XYLT1: variants seen among roughly 807,000 people sequenced by gnomAD.
The protein encoded by XYLT1 is beta-D-xylosyltransferase 1.
In XYLT1, 36 loss-of-function variants were observed where a neutral mutation model predicts 91.3. The ratio of observed to expected loss-of-function variants is 0.39; its 90% CI spans 0.30 to 0.52. The LOEUF is 0.52. Among genes scored for constraint, XYLT1 ranks in the 20% least tolerant of loss-of-function variants. The probability of loss-of-function intolerance (pLI) is 0.68; values close to 1 mark genes in which losing one functional copy is unlikely to be tolerated. For synonymous variants in XYLT1, 588 were observed against 532.0 expected, an observed-to-expected ratio of 1.11 and a Z score of -1.45; for missense variants, 1,242 against 1,284.5, an observed-to-expected ratio of 0.97 and a Z score of 0.51.
intron 2 of XYLT1, among the ~76,000 whole-genome samples, chr16:17,261,041 C>G (rs2033714339): frequency 6.6e-6 from 1 of 152,090 alleles, no homozygotes; most frequent in African/African-American, 2.4e-5. Flanking sequence ...TGAGACCAGC[C>G]TGGTCAACAT....
At chr16:17,409,661 T>C (rs114933231) in intron 1 of XYLT1, among the ~76,000 whole-genome samples, 10,243 of 151,326 alleles carry the variant, frequency 0.068, 537 homozygotes, top group African/African-American at 0.14. Flanking sequence ...GTGGTTCTCC[T>C]GCTTCAACCT....
chr16:17,173,565 A>C (rs2031874346), intron 5 of XYLT1, among the ~76,000 whole-genome samples: 1 of 152,264 alleles, frequency 6.6e-6, no homozygotes, highest in Non-Finnish European at 1.5e-5. Flanking sequence ...TGTCTGGCAT[A>C]TTATAGTTGC....
intron 2 of XYLT1, among the ~76,000 whole-genome samples, chr16:17,296,204 C>A (rs184637243): frequency 6.6e-6 from 1 of 152,168 alleles, no homozygotes; most frequent in East Asian, 1.9e-4. Flanking sequence ...GGCTAGGGAG[C>A]AGTCCAAGGG....
intron 3 of XYLT1, among the ~76,000 whole-genome samples, chr16:17,232,134 A>G (rs1321047201): frequency 2.8e-5 from 4 of 144,754 alleles, no homozygotes; most frequent in Non-Finnish European, 4.5e-5. Context: ...TATAATATAT[A>G]ATAGATAATA....
chr16:17,356,668 C>T (rs967484176), intron 2 of XYLT1, among the ~76,000 whole-genome samples: 2 of 152,098 alleles, frequency 1.3e-5, no homozygotes, highest in African/African-American at 4.8e-5. Context: ...CCCTTGAAAT[C>T]GCTGAGCTGT....
intron 1 of XYLT1, among the ~76,000 whole-genome samples, chr16:17,458,275 T>C (rs983353515): frequency 6.6e-6 from 1 of 152,200 alleles, no homozygotes; most frequent in Non-Finnish European, 1.5e-5. Flanking sequence ...TGGTTCAGGG[T>C]TAAGTTAATG....
rs1567189524 is a variant in XYLT1 at position 17,400,628 on chromosome 16, GGAGGAAGGAAGGA to G, written c.364-42591_364-42579del. On this transcript the variant is annotated intron_variant, in intron 1 of 11. Coordinates refer to ENST00000261381, the MANE Select transcript of XYLT1 (RefSeq NM_022166.4). ...GAGAGGGAGGGAGGGAGGGAGGAAGGGAGGAAGGAAGGAAGGAAGGAAGGAAGGAAGGAAGGAA... is the reference window on the plus strand; with the variant it reads ...GAGAGGGAGGGAGGGAGGGAGGAAGGAGGAAGGAAGGAAGGAAGGAAGGAA... Among the ~76,000 whole-genome samples, 255 of 136,370 alleles carry G rather than the reference GGAGGAAGGAAGGA, an allele frequency of 1.9e-3. 3 individuals carry two copies. The highest frequency in any genetic ancestry group is 6.5e-3 in the African/African-American group (224 of 34,566). 89.5% of individuals were successfully genotyped at this position (136,370 alleles called of 152,430 possible). A position where few individuals can be genotyped will look rare whatever the true frequency, so the allele number is the denominator to read the frequency against.
chr16:17,232,171 T>TATTATATATAAAA (rs2033167539), intron 3 of XYLT1, among the ~76,000 whole-genome samples: 1 of 144,202 alleles, frequency 6.9e-6, no homozygotes, highest in Non-Finnish European at 1.5e-5. Flanking sequence ...ATATAATATA[T>TATTATATATAAAA]TATACAATAT....
intron 1 of XYLT1, among the ~76,000 whole-genome samples, chr16:17,364,400 C>A (rs1280830210): frequency 1.3e-5 from 2 of 152,144 alleles, no homozygotes; most frequent in African/African-American, 4.8e-5. Context: ...ACACAGCATA[C>A]CACTGACATC....
At position 17,178,182 on chromosome 16, in the gene XYLT1, CT is replaced by C. The variant is rs148182452; in HGVS notation, c.1290-19274del. On this transcript the variant is annotated intron_variant, in intron 5 of 11. Transcript: ENST00000261381. ...ACTGCCTGTCTCCTCTCGGCCGCCC[CT>C]GGTCAGGCAACACTGATGGGTGAGC... Among the ~76,000 whole-genome samples the C allele has an allele frequency of 5.2e-3, 787 of 152,282 alleles. 4 individuals are homozygous for C. The highest frequency in any genetic ancestry group is 0.017 in the African/African-American group (715 of 41,542).
chr16:17,141,444 A>C, intron 6 of XYLT1, 75 bp from the exon 7 acceptor site: 1 of 1,437,058 alleles, frequency 7.0e-7, no homozygotes, highest in South Asian at 1.2e-5. Context: ...CAAATAAAAC[A>C]ACACAATCAT....
At chr16:17,343,636 T>A (rs990335353) in intron 2 of XYLT1, among the ~76,000 whole-genome samples, 1 of 152,018 alleles carries the variant, frequency 6.6e-6, no homozygotes, top group African/African-American at 2.4e-5. Context: ...ACACGCAGAT[T>A]ATGTTTTATT....
At chr16:17,309,968 G>A (rs530918696) in intron 2 of XYLT1, among the ~76,000 whole-genome samples, 5 of 152,124 alleles carry the variant, frequency 3.3e-5, no homozygotes, top group Admixed American at 6.5e-5. Flanking sequence ...AAGAGATGCC[G>A]TGTGTGCTCA....
chr16:17,161,555 C>T (rs1327935779), intron 5 of XYLT1, among the ~76,000 whole-genome samples: 1 of 152,138 alleles, frequency 6.6e-6, no homozygotes, highest in East Asian at 1.9e-4. Flanking sequence ...GGCTGAGGAC[C>T]AAATTCTCCT....
chr16:17,138,282 G>A, intron 8 of XYLT1, 73 bp downstream of exon 8: 1 of 1,557,140 alleles, frequency 6.4e-7, no homozygotes, highest in South Asian at 1.2e-5. Flanking sequence ...CTGCAGGTCT[G>A]GCCTTGGATT....
At chr16:17,187,581 A>AAAAG (rs2032214019) in intron 5 of XYLT1, among the ~76,000 whole-genome samples, 1 of 150,282 alleles carries the variant, frequency 6.7e-6, no homozygotes, top group Non-Finnish European at 1.5e-5. Context: ...AAAAAAAAAA[A>AAAAG]AAAAAAAGAA....
At chr16:17,209,268 T>A (rs2032714647) in intron 3 of XYLT1, among the ~76,000 whole-genome samples, 1 of 152,236 alleles carries the variant, frequency 6.6e-6, no homozygotes. Context: ...CTTCCTTTTG[T>A]GTCTGGATCC....
At chr16:17,122,658 C>T (rs539734580) in intron 10 of XYLT1, among the ~76,000 whole-genome samples, 85 of 152,292 alleles carry the variant, frequency 5.6e-4, no homozygotes, top group African/African-American at 2.0e-3. Context: ...AAGTCTTTGC[C>T]TAAGCCAGTG....
chr16:17,225,448 C>T (rs969562587), intron 3 of XYLT1, among the ~76,000 whole-genome samples: 2 of 152,124 alleles, frequency 1.3e-5, no homozygotes, highest in Non-Finnish European at 2.9e-5. Flanking sequence ...GCTCAGGTTA[C>T]AAAGTCCACC....
Sources: allele counts gnomAD v4.1 joint callset (sites outside exome capture counted in the v4.1 genomes callset), GRCh38; gene constraint gnomAD v4.1.1; transcripts MANE v1.5; gene names NCBI Gene and HGNC (gene_info 2026-07-23, HGNC 2026-07-21).